SLC24A2: variants seen among roughly 807,000 people sequenced by gnomAD.
The protein encoded by SLC24A2 is sodium/potassium/calcium exchanger 2.
In SLC24A2, 36 loss-of-function variants were observed where a neutral mutation model predicts 62.0. That is an observed-to-expected ratio of 0.58 (90% CI 0.44 to 0.77). The LOEUF is 0.77. Ranked by LOEUF, SLC24A2 falls within the 30% of genes least tolerant of loss-of-function variation. The probability of loss-of-function intolerance (pLI) is 0.00; values close to 1 mark genes in which losing one functional copy is unlikely to be tolerated. For missense variants in SLC24A2, 846 were observed against 817.9 expected, an observed-to-expected ratio of 1.03 and a Z score of -0.42; for synonymous variants, 358 against 294.0, an observed-to-expected ratio of 1.22 and a Z score of -2.23.
intron 2 of SLC24A2, among the ~76,000 whole-genome samples, chr9:19,701,211 T>C (rs535593021): frequency 6.6e-6 from 1 of 152,350 alleles, no homozygotes; most frequent in African/African-American, 2.4e-5. Flanking sequence ...ATGATCTGCA[T>C]GTACCATGAC....
chr9:19,590,073 G>C (rs560800851), intron 5 of SLC24A2, among the ~76,000 whole-genome samples: 1 of 152,134 alleles, frequency 6.6e-6, no homozygotes, highest in African/African-American at 2.4e-5. Context: ...GACTTAAGAG[G>C]GTCCCCAAAA....
chr9:19,772,157 C>G lies in SLC24A2; in HGVS notation c.930+13780G>C, dbSNP rs531353215. On this transcript the variant is annotated intron_variant, in intron 2 of 10. Transcript: ENST00000341998. ...GAAGGATGATGCAGCAACCAGATGA[C>G]AGGCATCCTGGGTCCAATGTTCAAG... is the stretch of plus-strand genomic sequence containing the variant. 4.6e-5 allele frequency among the ~76,000 whole-genome samples: 7 copies of G among 152,282 alleles called. No homozygotes were observed. The East Asian group carries it at 1.3e-3, about 29-fold the overall frequency.
chr9:19,930,374 C>A, the SLC24A2 span, among the ~76,000 whole-genome samples: 1 of 152,160 alleles, frequency 6.6e-6, no homozygotes, highest in Admixed American at 6.5e-5. Context: ...AGAATAGTAA[C>A]ATGGTGTACA....
chr9:19,975,627 A>G, the SLC24A2 span, among the ~76,000 whole-genome samples: 1 of 152,228 alleles, frequency 6.6e-6, no homozygotes, highest in African/African-American at 2.4e-5. Context: ...TCCAAAACAG[A>G]TGATTCATTT....
chr9:19,883,787 G>C, the SLC24A2 span, among the ~76,000 whole-genome samples: 1,092 of 152,152 alleles, frequency 7.2e-3, 16 homozygotes, highest in African/African-American at 0.025. Flanking sequence ...GGATGGTCTT[G>C]ATCTCCTGAC....
the SLC24A2 span, among the ~76,000 whole-genome samples, chr9:19,907,822 A>G: frequency 6.6e-6 from 1 of 152,332 alleles, no homozygotes; most frequent in African/African-American, 2.4e-5. Context: ...CCACTGCTCA[A>G]TGAAATAAAA....
At chr9:19,988,085 A>T in the SLC24A2 span, among the ~76,000 whole-genome samples, 1 of 152,222 alleles carries the variant, frequency 6.6e-6, no homozygotes, top group Non-Finnish European at 1.5e-5. Flanking sequence ...TGCTAGGGGC[A>T]CAAGGAGGGA....
the SLC24A2 span, among the ~76,000 whole-genome samples, chr9:19,882,621 G>A: frequency 1.6e-4 from 24 of 151,534 alleles, no homozygotes; most frequent in African/African-American, 5.6e-4. Flanking sequence ...TAACTTTCTG[G>A]GGATTTGGTC....
chr9:19,661,119 G>C (rs1447374935), intron 2 of SLC24A2, among the ~76,000 whole-genome samples: 1 of 151,952 alleles, frequency 6.6e-6, no homozygotes, highest in African/African-American at 2.4e-5. Flanking sequence ...AACTTCACCT[G>C]TGTGAGTCTA....
chr9:19,996,820 C>T, the SLC24A2 span, among the ~76,000 whole-genome samples: 2 of 151,516 alleles, frequency 1.3e-5, no homozygotes, highest in East Asian at 1.9e-4. Flanking sequence ...ACGAGTAACA[C>T]CTTACCCCAA....
chr9:19,953,739 C>A, the SLC24A2 span, among the ~76,000 whole-genome samples: 7 of 152,040 alleles, frequency 4.6e-5, no homozygotes, highest in Non-Finnish European at 7.4e-5. Context: ...GGGATATACA[C>A]CTGTTAGGCA....
chr9:19,733,170 G>T (rs1161898043), intron 2 of SLC24A2, among the ~76,000 whole-genome samples: 4 of 151,782 alleles, frequency 2.6e-5, no homozygotes, highest in Non-Finnish European at 5.9e-5. Flanking sequence ...GCCCTTTGGT[G>T]CCTGAGTCTC....
chr9:19,743,473 A>G (rs1485974488), intron 2 of SLC24A2, among the ~76,000 whole-genome samples: 2 of 152,250 alleles, frequency 1.3e-5, no homozygotes, highest in Admixed American at 6.5e-5. Context: ...GGCATTTCTG[A>G]AACTTTGCTA....
intron 4 of SLC24A2, among the ~76,000 whole-genome samples, chr9:19,612,364 A>G (rs1016883459): frequency 6.6e-6 from 1 of 152,132 alleles, no homozygotes; most frequent in African/African-American, 2.4e-5. Flanking sequence ...TCTAATTTAG[A>G]GACAGAGGTC....
chr9:19,855,981 T>C, the SLC24A2 span, among the ~76,000 whole-genome samples: 1 of 151,832 alleles, frequency 6.6e-6, no homozygotes, highest in Non-Finnish European at 1.5e-5. Flanking sequence ...GTTTTGTTTG[T>C]TCCTTTTCAT....
At chr9:19,678,548 G>A (rs946632379) in intron 2 of SLC24A2, among the ~76,000 whole-genome samples, 1 of 152,080 alleles carries the variant, frequency 6.6e-6, no homozygotes, top group Non-Finnish European at 1.5e-5. Flanking sequence ...TCTATTTCTT[G>A]TCTTCGTTTC....
At chr9:20,051,617 CT>C in the SLC24A2 span, among the ~76,000 whole-genome samples, 1 of 123,712 alleles carries the variant, frequency 8.1e-6, no homozygotes, top group Admixed American at 8.7e-5. Flanking sequence ...AAGGCATTCT[CT>C]ATCTTTGTTA....
intron 2 of SLC24A2, among the ~76,000 whole-genome samples, chr9:19,770,688 T>C (rs1040207263): frequency 3.9e-5 from 6 of 152,300 alleles, no homozygotes; most frequent in African/African-American, 1.2e-4. Context: ...AGTGAGACAG[T>C]AGCACATAAA....
At chr9:19,840,502 C>T in the SLC24A2 span, among the ~76,000 whole-genome samples, 3 of 152,152 alleles carry the variant, frequency 2.0e-5, no homozygotes, top group African/African-American at 7.2e-5. Flanking sequence ...TCTTTTATGA[C>T]TTGATTTCTG....
Sources: gnomAD v4.1 joint callset for allele counts (sites outside exome capture counted in the v4.1 genomes callset) on GRCh38, gnomAD v4.1.1 for gene constraint, MANE v1.5 for transcripts, NCBI Gene and HGNC (gene_info 2026-07-23, HGNC 2026-07-21) for gene names.